WWOX: variants seen among roughly 807,000 people sequenced by gnomAD.
WWOX encodes WW domain-containing oxidoreductase.
A neutral mutation model predicts 46.2 loss-of-function variants in WWOX; 69 were observed. The ratio of observed to expected loss-of-function variants is 1.49; its 90% confidence interval spans 1.23 to 1.82. The LOEUF (loss-of-function observed/expected upper bound fraction) is 1.82, where lower values mean the gene tolerates loss of function less well. Among genes scored for constraint, WWOX ranks in the 40% most tolerant of loss-of-function variants. The pLI, the probability that WWOX is intolerant of heterozygous loss-of-function variation, is 0.00. For missense variants in WWOX, 919 were observed against 542.6 expected (o/e 1.69, Z -6.89); for synonymous variants, 359 against 202.6 (o/e 1.77, Z -6.56).
At chr16:78,942,868 G>A (rs558691334) in intron 8 of WWOX, among the ~76,000 whole-genome samples, 1 of 152,322 alleles carries the variant, frequency 6.6e-6, no homozygotes, top group East Asian at 1.9e-4. Context: ...GTCAAAGACA[G>A]CTCTTTAGAA....
chr16:79,125,048 T>TA (rs1491239253), intron 8 of WWOX, among the ~76,000 whole-genome samples: 1 of 27,674 alleles, frequency 3.6e-5, no homozygotes, highest in Non-Finnish European at 6.5e-5. Flanking sequence ...TTTTCCCATC[T>TA]TTTTTTTTTT....
At chr16:78,611,289 T>G (rs2045894548) in intron 8 of WWOX, among the ~76,000 whole-genome samples, 1 of 152,214 alleles carries the variant, frequency 6.6e-6, no homozygotes, top group Non-Finnish European at 1.5e-5. Flanking sequence ...GACATCAACC[T>G]AGCCTTTTAT....
At chr16:78,575,739 T>C (rs529506297) in intron 8 of WWOX, among the ~76,000 whole-genome samples, 28 of 152,228 alleles carry the variant, frequency 1.8e-4, no homozygotes, top group African/African-American at 6.7e-4. Flanking sequence ...TGAAGAAAAA[T>C]TTCATTAAAT....
intron 7 of WWOX, 42 bp from the exon 8 acceptor site, chr16:78,432,446 G>A (rs200203330): frequency 5.5e-5 from 88 of 1,609,724 alleles, no homozygotes; most frequent in Admixed American, 1.7e-5. Flanking sequence ...TGTGTGGGAA[G>A]TCAGAACTTG....
intron 4 of WWOX, among the ~76,000 whole-genome samples, chr16:78,152,212 TA>T (rs1567601061): frequency 1.3e-5 from 2 of 151,298 alleles, no homozygotes; most frequent in African/African-American, 4.9e-5. Flanking sequence ...AAAAAAATTA[TA>T]ACATGGAAAT....
chr16:78,627,047 C>T (rs145618047), intron 8 of WWOX, among the ~76,000 whole-genome samples: 73 of 152,226 alleles, frequency 4.8e-4, no homozygotes, highest in African/African-American at 1.7e-3. Flanking sequence ...CTTCCCCCCA[C>T]CTCATACATA....
At chr16:78,788,667 G>A (rs2050517603) in intron 8 of WWOX, among the ~76,000 whole-genome samples, 2 of 152,218 alleles carry the variant, frequency 1.3e-5, no homozygotes, top group South Asian at 2.1e-4. Flanking sequence ...TAATAAAGCA[G>A]TAAGGGGTAG....
intron 8 of WWOX, among the ~76,000 whole-genome samples, chr16:78,888,460 G>A (rs372601070): frequency 6.6e-6 from 1 of 152,164 alleles, no homozygotes; most frequent in African/African-American, 2.4e-5. Context: ...ACATCCTGAG[G>A]TCCACTAGGT....
At chr16:78,806,050 A>G (rs534672796) in intron 8 of WWOX, among the ~76,000 whole-genome samples, 28 of 152,326 alleles carry the variant, frequency 1.8e-4, no homozygotes, top group Non-Finnish European at 3.4e-4. Context: ...GAGGCTCTAG[A>G]TAGATCTTAG....
intron 8 of WWOX, among the ~76,000 whole-genome samples, chr16:78,688,515 A>C (rs1248158774): frequency 6.6e-6 from 1 of 151,946 alleles, no homozygotes; most frequent in Admixed American, 6.6e-5. Flanking sequence ...TCATTATATC[A>C]CCTTTACACC....
At chr16:78,712,760 T>A (rs553362836) in intron 8 of WWOX, among the ~76,000 whole-genome samples, 1 of 152,198 alleles carries the variant, frequency 6.6e-6, no homozygotes, top group Non-Finnish European at 1.5e-5. Flanking sequence ...TGAAATGATA[T>A]GATAACTAAG....
rs1438361669 is a variant in WWOX at position 78,681,520 on chromosome 16, G to A, written c.1056+248768G>A. ...ATTATGACTTCAAAAAACAGGGCTC[G>A]TGCCACCCAAGATTTCCTCCATATA... is the stretch of plus-strand genomic sequence containing the variant. On this transcript the variant is annotated intron_variant, in intron 8 of 8. Transcript: ENST00000566780. Among the ~76,000 whole-genome samples the A allele has an allele frequency of 6.0e-5, 9 of 149,876 alleles. No individual in the cohort carries two copies. The East Asian group carries it at 1.4e-3, about 23-fold the overall frequency.
chr16:78,708,858 A>T (rs894027998), intron 8 of WWOX, among the ~76,000 whole-genome samples: 1 of 152,268 alleles, frequency 6.6e-6, no homozygotes, highest in African/African-American at 2.4e-5. Context: ...AAGGGCTTGT[A>T]TGCAAAGGAC....
intron 8 of WWOX, among the ~76,000 whole-genome samples, chr16:78,997,563 T>C (rs1045449629): frequency 1.3e-5 from 2 of 152,164 alleles, no homozygotes; most frequent in African/African-American, 2.4e-5. Flanking sequence ...AGCATGTATA[T>C]ACAACAGTAC....
Position 78,468,518 on chromosome 16 carries a change from C to T in WWOX, c.1056+35766C>T, listed in dbSNP as rs553933034. 1.2e-4 allele frequency among the ~76,000 whole-genome samples: 18 copies of T among 152,224 alleles called. No homozygotes were observed. The East Asian group carries it at 1.9e-3, about 16-fold the overall frequency. On this transcript the variant is annotated intron_variant, in intron 8 of 8. Coordinates refer to ENST00000566780, the MANE Select transcript of WWOX (RefSeq NM_016373.4). The stretch of plus-strand genomic sequence containing the variant: ...GTTCTTGGAAGGGTCATCTCATGGT[C>T]CATTGTCGGCCCTCTTAGAAGAGAT...
At chr16:78,761,593 C>T (rs1406271509) in intron 8 of WWOX, among the ~76,000 whole-genome samples, 1 of 151,930 alleles carries the variant, frequency 6.6e-6, no homozygotes, top group Non-Finnish European at 1.5e-5. Flanking sequence ...TCTCGCTGGT[C>T]TAGAGGAGAT....
intron 8 of WWOX, among the ~76,000 whole-genome samples, chr16:78,763,970 C>A (rs2049862239): frequency 1.3e-5 from 2 of 152,204 alleles, no homozygotes; most frequent in East Asian, 1.9e-4. Flanking sequence ...CTCTGCCCCA[C>A]ATCTATTGTG....
chr16:78,949,836 AC>A (rs2046022988), intron 8 of WWOX, among the ~76,000 whole-genome samples: 1 of 152,216 alleles, frequency 6.6e-6, no homozygotes, highest in South Asian at 2.1e-4. Context: ...GTAGATTCTG[AC>A]ATGTCACTCC....
chr16:78,369,206 T>G (rs1670554427), intron 5 of WWOX, among the ~76,000 whole-genome samples: 1 of 152,208 alleles, frequency 6.6e-6, no homozygotes, highest in Admixed American at 6.5e-5. Context: ...GACATTATTC[T>G]GAGTTTACAC....
Sources: allele counts gnomAD v4.1 joint callset (sites outside exome capture counted in the v4.1 genomes callset), GRCh38; gene constraint gnomAD v4.1.1; transcripts MANE v1.5; gene names NCBI Gene and HGNC (gene_info 2026-07-23, HGNC 2026-07-21).